The following BET1L variants were observed in gnomAD, a reference collection of about 807,000 sequenced individuals.
BET1L encodes BET1-like protein.
BET1L carries 13 observed loss-of-function variants against 12.6 expected under a neutral mutation model. The observed-to-expected ratio is 1.03, with a 90% CI of 0.67 to 1.64. The LOEUF is 1.64. Among genes scored for constraint, BET1L ranks in the 40% most tolerant of loss-of-function variants. The probability of loss-of-function intolerance (pLI) is 0.00; values close to 1 mark genes in which losing one functional copy is unlikely to be tolerated. For synonymous variants in BET1L, 60 were observed against 56.9 expected (o/e 1.05, Z -0.25); for missense variants, 154 against 150.7 (o/e 1.02, Z -0.11).
chr11:207,329 T>C lies in BET1L; in HGVS notation c.-8A>G, dbSNP rs936369183. On this transcript the variant is annotated 5_prime_UTR_variant, in exon 1 of 4. Transcript: ENST00000382762. ...CCGAGCCCAGTCCGCCATCGTGCCC[T>C]GCCCCGGCTCCTCGACGCGGACACC... 12 of 1,409,942 alleles carry C rather than the reference T, an allele frequency of 8.5e-6. No homozygotes were observed. The African/African-American group carries it at 1.9e-4, about 22-fold the overall frequency. The allele number at this position is 1,409,942 out of a possible 1,614,324, so 87.3% of individuals were successfully genotyped here.
intron 2 of BET1L, 89 bp from the exon 3 acceptor site, chr11:205,756 C>A (rs1855134702): frequency 3.3e-6 from 5 of 1,508,334 alleles, no homozygotes; most frequent in Admixed American, 1.8e-5. Flanking sequence ...ACCCTGCCAA[C>A]AACTCTGCCA....
chr11:205,885 T>C (rs1855138838), intron 2 of BET1L, 67 bp downstream of exon 2: 2 of 1,559,672 alleles, frequency 1.3e-6, no homozygotes, highest in East Asian at 2.2e-5. Context: ...CTGGGCCCTC[T>C]GCCTTCCCTC....
chr11:207,375 A>AGACGTGGCCACAGCCGCCTCG lies in BET1L; in HGVS notation c.-55_-54insCGAGGCGGCTGTGGCCACGTC. 6.6e-7 allele frequency: 1 copy of AGACGTGGCCACAGCCGCCTCG among 1,514,584 alleles called. No homozygotes were observed. Among genetic ancestry groups the AGACGTGGCCACAGCCGCCTCG allele is most frequent in the South Asian group, 1.2e-5 (1 of 82,282 alleles). The allele number at this position is 1,514,584 out of a possible 1,614,324, so 93.8% of individuals were successfully genotyped here. A position where few individuals can be genotyped will look rare whatever the true frequency, so the allele number is the denominator to read the frequency against. On this transcript the variant is annotated 5_prime_UTR_variant, in exon 1 of 4. Transcript: ENST00000382762. ...ACACCGACGCGGCCACAGCCGCCTC[A>AGACGTGGCCACAGCCGCCTCG]GACGTGGCGCAGTCGCGGGGAAAGA...
chr11:207,120 G>C (rs1415098779), intron 1 of BET1L, 183 bp downstream of exon 1: 12 of 773,854 alleles, frequency 1.6e-5, no homozygotes, highest in South Asian at 2.1e-5. Flanking sequence ...CGGTCCTAAC[G>C]GCAGTGCCGG....
chr11:205,291 C>CT lies in BET1L; in HGVS notation c.*10dup. 1 of 1,608,350 alleles carries CT rather than the reference C, an allele frequency of 6.2e-7. No individual in the cohort carries two copies. The highest frequency in any genetic ancestry group is 1.3e-5 in the African/African-American group (1 of 74,922). ...TGCCCTTGGCACCCACAGACACCAG[C>CT]TCCCACTGGCTCACGTCCTTGCCCT... On this transcript the variant is annotated 3_prime_UTR_variant, in exon 4 of 4. Coordinates refer to ENST00000382762, the MANE Select transcript of BET1L (RefSeq NM_001098787.2).
chr11:207,366 A>AGCCGCCTCAGACGTGGCCACT lies in BET1L; in HGVS notation c.-46_-45insAGTGGCCACGTCTGAGGCGGC. The AGCCGCCTCAGACGTGGCCACT allele has an allele frequency of 2.6e-6, 4 of 1,539,714 alleles. No individual in the cohort carries two copies. Among genetic ancestry groups the AGCCGCCTCAGACGTGGCCACT allele is most frequent in the African/African-American group, 1.4e-5 (1 of 71,638 alleles). On this transcript the variant is annotated 5_prime_UTR_variant, in exon 1 of 4. Transcript: ENST00000382762. ...TCGACGCGGACACCGACGCGGCCAC[A>AGCCGCCTCAGACGTGGCCACT]GCCGCCTCAGACGTGGCGCAGTCGC... is the stretch of plus-strand genomic sequence containing the variant.
Position 204,818 on chromosome 11 carries a change from A to G in BET1L, c.*484T>C, listed in dbSNP as rs185289841. On this transcript the variant is annotated 3_prime_UTR_variant, in exon 4 of 4. Coordinates refer to ENST00000382762, the MANE Select transcript of BET1L (RefSeq NM_001098787.2). The stretch of plus-strand genomic sequence containing the variant: ...GGGTGAGAAGCCTCGGTCGGAGGAG[A>G]TGACACCCACTTAGGGTTCACAGCC... The G allele has an allele frequency of 3.6e-4, 62 of 173,030 alleles. 1 individual carries two copies. Among genetic ancestry groups the G allele is most frequent in the South Asian group, 2.7e-3 (21 of 7,712 alleles). 10.7% of individuals were successfully genotyped at this position (173,030 alleles called of 1,614,324 possible). A position where few individuals can be genotyped will look rare whatever the true frequency, so the allele number is the denominator to read the frequency against.
rs1280981522 is a variant in BET1L at position 204,036 on chromosome 11, A to C, written c.*1266T>G. On this transcript the variant is annotated 3_prime_UTR_variant, in exon 4 of 4. Coordinates refer to ENST00000382762, the MANE Select transcript of BET1L (RefSeq NM_001098787.2). ...CTGATCTGTGGTCAGCCTGGAGCTC[A>C]GAGGCAGTTCTGGATTGACAGGACA... 1.3e-5 allele frequency: 2 copies of C among 152,798 alleles called. No homozygotes were observed. Among genetic ancestry groups the C allele is most frequent in the Non-Finnish European group, 2.9e-5 (2 of 68,192 alleles). The allele number at this position is 152,798 out of a possible 1,614,324, so 9.5% of individuals were successfully genotyped here.
In BET1L at chr11:205,409, T is replaced by C. The variant is rs369056456; in HGVS notation, c.229A>G (p.Met77Val). 6.2e-7 allele frequency: 1 copy of C among 1,614,212 alleles called. No individual in the cohort carries two copies. The highest frequency in any genetic ancestry group is 8.5e-7 in the Non-Finnish European group (1 of 1,180,030). ...CGGTTGTCTTGTCCGGACCTTGCCATTGTGGAAAAGCGCTTCACGCTCCCT... is the reference window on the plus strand; with the variant it reads ...CGGTTGTCTTGTCCGGACCTTGCCACTGTGGAAAAGCGCTTCACGCTCCCT... The part of the protein sequence containing the change: ...LTGSVKRFST[M>V]ARSGQDNRKL... The change falls in exon 4 of 4, where the codon ATG (methionine) becomes GTG (valine). Residue 77 changes from methionine (M) to valine (V), a missense_variant. Coordinates refer to ENST00000382762, the MANE Select transcript of BET1L (RefSeq NM_001098787.2).
chr11:207,216 C>G, intron 1 of BET1L, 87 bp downstream of exon 1: 3 of 1,481,480 alleles, frequency 2.0e-6, no homozygotes, highest in South Asian at 1.3e-5. Flanking sequence ...CCCAGCTGGG[C>G]CAGAGGCAGG....
At position 205,681 on chromosome 11, in the gene BET1L, A is replaced by G; in HGVS notation, c.112-14T>C. On this transcript the variant is annotated splice_polypyrimidine_tract_variant and intron_variant, in intron 2 of 3. Transcript: ENST00000382762. ...GTCCAGGGCGAGCTGTTCAGCAGAC[A>G]GAGAGGGCAGGGTTGGGCCAGAGCA... 6.2e-7 allele frequency: 1 copy of G among 1,601,652 alleles called. No homozygotes were observed.
In BET1L at chr11:206,008, G is replaced by A. The variant is rs144624940; in HGVS notation, c.55C>T (p.Arg19Trp). Reference sequence around the variant, plus strand: ...CTGTCAGCCATTCGCTTGTTCTCCCGGTCTAGAATCTCTTCCACAGCGCCC... The same window carrying A: ...CTGTCAGCCATTCGCTTGTTCTCCCAGTCTAGAATCTCTTCCACAGCGCCC... ...SPGAVEEILD[R>W]ENKRMADSLA... The change falls in exon 2 of 4, where the codon CGG becomes TGG. Residue 19 changes from arginine to tryptophan, a missense_variant. By Grantham distance (101) the Arg-to-Trp change is moderately radical (BLOSUM62 -3). Coordinates refer to ENST00000382762, the MANE Select transcript of BET1L (RefSeq NM_001098787.2). 350 of 1,613,978 alleles carry A rather than the reference G, an allele frequency of 2.2e-4. No individual in the cohort carries two copies. Among genetic ancestry groups the A allele is most frequent in the South Asian group, 9.0e-4 (82 of 91,086 alleles).
chr11:205,483 C>T lies in BET1L; in HGVS notation c.169-14G>A. 6.2e-7 allele frequency: 1 copy of T among 1,614,204 alleles called. No individual in the cohort carries two copies. On this transcript the variant is annotated splice_polypyrimidine_tract_variant and intron_variant, in intron 3 of 3. Transcript: ENST00000382762. ...GAAATCCGAGTCCTAAGGGAGGAAT[C>T]CCAGCAAGATCACACAGAAGTGGTG...
Position 205,965 on chromosome 11 carries a change from GT to G in BET1L, c.97del (p.Thr33ProfsTer31). 6.2e-7 allele frequency: 1 copy of G among 1,614,086 alleles called. No homozygotes were observed. The highest frequency in any genetic ancestry group is 8.5e-7 in the Non-Finnish European group (1 of 1,180,000). On this transcript the variant is annotated frameshift_variant, in exon 2 of 4. Transcript: ENST00000382762. LOFTEE classifies it high-confidence loss of function. ...ACCACCACTGACCGATTTGAGCCTG[GT>G]GACTTTGGAGGCCAGGCTGTCAGCC... ...RMADSLASKV[T>X]RLKSLALDID... is the part of the protein sequence containing the mutation.
chr11:205,451 T>C lies in BET1L; in HGVS notation c.187A>G (p.Met63Val), dbSNP rs1235736876. The change falls in exon 4 of 4, where the codon ATG becomes GTG. Residue 63 changes from methionine (M) to valine (V), a missense_variant. Transcript: ENST00000382762. ...ACGCTCCCTGTAAGCAGGCTGGTCATGCTTGTGAAATCCGAGTCCTAAGGG... is the reference window on the plus strand; with the variant it reads ...ACGCTCCCTGTAAGCAGGCTGGTCACGCTTGTGAAATCCGAGTCCTAAGGG... ...LDGMDSDFTS[M>V]TSLLTGSVKR... 1 of 1,614,208 alleles carries C rather than the reference T, an allele frequency of 6.2e-7. No individual in the cohort carries two copies. The highest frequency in any genetic ancestry group is 1.1e-5 in the South Asian group (1 of 91,084).
At position 207,353 on chromosome 11, in the gene BET1L, C is replaced by G; in HGVS notation, c.-32G>C. ...CTGCCCCGGCTCCTCGACGCGGACA[C>G]CGACGCGGCCACAGCCGCCTCAGAC... On this transcript the variant is annotated 5_prime_UTR_variant, in exon 1 of 4. Coordinates refer to ENST00000382762, the MANE Select transcript of BET1L (RefSeq NM_001098787.2). 6 of 1,549,574 alleles carry G rather than the reference C, an allele frequency of 3.9e-6. No homozygotes were observed. The highest frequency in any genetic ancestry group is 4.3e-6 in the Non-Finnish European group (5 of 1,155,644).
intron 1 of BET1L, chr11:207,035 G>A (rs1342147470): frequency 6.1e-6 from 3 of 491,418 alleles, no homozygotes; most frequent in South Asian, 5.4e-5. Context: ...GATCTCACAG[G>A]GGGCGGCGGG....
chr11:206,555 G>C (rs1050623176), intron 1 of BET1L, among the ~76,000 whole-genome samples: 2 of 152,206 alleles, frequency 1.3e-5, no homozygotes, highest in African/African-American at 4.8e-5. Context: ...GCCCTTTACC[G>C]CACAGAAAAT....
At position 203,073 on chromosome 11, in the gene BET1L, T is replaced by G. The variant is rs1855071914; in HGVS notation, c.*2229A>C. On this transcript the variant is annotated 3_prime_UTR_variant, in exon 4 of 4. Coordinates refer to ENST00000382762, the MANE Select transcript of BET1L (RefSeq NM_001098787.2). ...CTGAGCCCCCAAGAGTCCTTTTGGTTTTACTGGTGTCAGGGATTACAGTCA... is the reference window on the plus strand; with the variant it reads ...CTGAGCCCCCAAGAGTCCTTTTGGTGTTACTGGTGTCAGGGATTACAGTCA... 1 of 152,188 alleles carries G rather than the reference T, an allele frequency of 6.6e-6. No homozygotes were observed. Among genetic ancestry groups the G allele is most frequent in the Non-Finnish European group, 1.5e-5 (1 of 68,052 alleles). The allele number at this position is 152,188 out of a possible 1,614,324, so 9.4% of individuals were successfully genotyped here.
Sources: allele counts gnomAD v4.1 joint callset (sites outside exome capture counted in the v4.1 genomes callset), GRCh38; gene constraint gnomAD v4.1.1; transcripts MANE v1.5; gene names NCBI Gene and HGNC (gene_info 2026-07-23, HGNC 2026-07-21).